Variants in COL17A1 observed in about 807,000 individuals in gnomAD.
COL17A1 encodes collagen alpha-1(XVII) chain.
In COL17A1, 181 loss-of-function variants were observed where a neutral mutation model predicts 218.4. That is an observed-to-expected ratio of 0.83 (90% confidence interval 0.73 to 0.94). The LOEUF (loss-of-function observed/expected upper bound fraction) is 0.94. COL17A1 is among the 40% of genes least tolerant of loss of function. COL17A1 has a pLI of 0.00. For synonymous variants in COL17A1, 721 were observed against 731.0 expected (o/e 0.99, Z 0.22); for missense variants, 1,924 against 1,945.9 (o/e 0.99, Z 0.21).
chr10:104,064,406 G>A, intron 10 of COL17A1, 32 bp downstream of exon 10: 1 of 1,613,716 alleles, frequency 6.2e-7, no homozygotes. Flanking sequence ...GAGTTCAGGG[G>A]TGAGAGAGGG....
At position 104,065,369 on chromosome 10, in the gene COL17A1, C is replaced by T. The variant is rs114745989; in HGVS notation, c.608-773G>A. Among the ~76,000 whole-genome samples the T allele has an allele frequency of 1.7e-3, 253 of 152,312 alleles. 1 individual carries two copies. The highest frequency in any genetic ancestry group is 5.7e-3 in the African/African-American group (236 of 41,560). On this transcript the variant is annotated intron_variant, in intron 9 of 55. Transcript: ENST00000648076. ...TAGCTTTTTCCCTCACCTCCCTCCA[C>T]GGCTCTGCTAATTTATATTTCTGCC...
At chr10:104,056,836 A>G (rs2086532827) in intron 17 of COL17A1, 139 bp downstream of exon 17, 1 of 1,501,650 alleles carries the variant, frequency 6.7e-7, no homozygotes, top group Non-Finnish European at 8.9e-7. Context: ...ATCTGCGGTA[A>G]CAAGGGTCTG....
At position 104,034,018 on chromosome 10, in the gene COL17A1, T is replaced by C. The variant is rs2086243560; in HGVS notation, c.4083A>G (p.Gly1361=). 6.2e-7 allele frequency: 1 copy of C among 1,614,024 alleles called. No individual in the cohort carries two copies. The highest frequency in any genetic ancestry group is 1.3e-5 in the African/African-American group (1 of 74,912). The change falls in exon 52 of 56, where the codon GGA becomes GGG. Residue 1361 remains glycine, a synonymous_variant. Coordinates refer to ENST00000648076, the MANE Select transcript of COL17A1 (RefSeq NM_000494.4). ...CTCCAGCAAAGTCAGCTCCCAATAG[T>C]CCGCCATTGCCAGCATACATGCCGC... The part of the protein sequence containing the change: ...AEGGMYAGNG[G]LLGADFAGDL...
At chr10:104,055,708 T>A in intron 18 of COL17A1, 74 bp downstream of exon 18, 2 of 1,584,364 alleles carry the variant, frequency 1.3e-6, no homozygotes, top group Non-Finnish European at 1.7e-6. Context: ...TCACAGCACA[T>A]GCACACATAC....
chr10:104,071,919 C>T, intron 8 of COL17A1, 113 bp downstream of exon 8: 1 of 1,512,444 alleles, frequency 6.6e-7, no homozygotes, highest in South Asian at 1.1e-5. Flanking sequence ...CATGCATGTA[C>T]ATACATGTGT....
At chr10:104,062,464 C>A in intron 11 of COL17A1, 135 bp from the exon 12 acceptor site, 1 of 1,197,610 alleles carries the variant, frequency 8.3e-7, no homozygotes, top group East Asian at 2.4e-5. Context: ...CCTCGGTTCC[C>A]ACACTCTTTG....
chr10:104,076,518 C>A, intron 4 of COL17A1, 89 bp from the exon 5 acceptor site: 1 of 1,586,814 alleles, frequency 6.3e-7, no homozygotes, highest in Non-Finnish European at 8.6e-7. Flanking sequence ...TAACCAAGTA[C>A]ACTCAGGGAG....
At chr10:104,056,548 C>G (rs925665502) in intron 17 of COL17A1, among the ~76,000 whole-genome samples, 2 of 151,360 alleles carry the variant, frequency 1.3e-5, no homozygotes, top group Non-Finnish European at 2.9e-5. Context: ...CACCACTGCA[C>G]TCCAGCCTGG....
Position 104,053,902 on chromosome 10 carries a change from G to C in COL17A1, c.1834+18C>G. ...AAAGAATGAGGAATAAATGAATAAA[G>C]AAAAATGTGTTTCTTACCCACGCTG... On this transcript the variant is annotated intron_variant, in intron 22 of 55. Transcript: ENST00000648076. 6.8e-7 allele frequency: 1 copy of C among 1,465,164 alleles called. No individual in the cohort carries two copies. Among genetic ancestry groups the C allele is most frequent in the Non-Finnish European group, 9.6e-7 (1 of 1,046,114 alleles). The allele number at this position is 1,465,164 out of a possible 1,614,324, so 90.8% of individuals were successfully genotyped here.
At chr10:104,077,885 C>A (rs1225747373) in intron 3 of COL17A1, among the ~76,000 whole-genome samples, 4 of 152,168 alleles carry the variant, frequency 2.6e-5, no homozygotes, top group African/African-American at 4.8e-5. Flanking sequence ...GTTGGGCTTG[C>A]TTTTTCTGAG....
In COL17A1 at chr10:104,032,703, C is replaced by T. The variant is rs371247480; in HGVS notation, c.4409G>A (p.Arg1470Gln). Residue 1470 changes from arginine to glutamine, a missense_variant, in exon 55 of 56, where the codon CGA becomes CAA. Arg to Gln is a conservative substitution (Grantham distance 43). Coordinates refer to ENST00000648076, the MANE Select transcript of COL17A1 (RefSeq NM_000494.4). ...PPGHPGPPGPRGHKGEKGDKG... is the reference protein window; with the variant it reads ...PPGHPGPPGPQGHKGEKGDKG... ...GTCTCCTTTTTCTCCCTTGTGTCCT[C>T]GAGGGCCAGGTGGCCCAGGATGACC... 2.2e-5 allele frequency: 36 copies of T among 1,614,026 alleles called. No individual in the cohort carries two copies. The highest frequency in any genetic ancestry group is 1.5e-4 in the Admixed American group (9 of 59,998).
Position 104,032,142 on chromosome 10 carries a change from G to T in COL17A1, c.*93C>A. 1.0e-6 allele frequency: 1 copy of T among 986,726 alleles called. No individual in the cohort carries two copies. Among genetic ancestry groups the T allele is most frequent in the East Asian group, 2.4e-5 (1 of 41,236 alleles). 61.1% of individuals were successfully genotyped at this position (986,726 alleles called of 1,614,324 possible). A position where few individuals can be genotyped will look rare whatever the true frequency, so the allele number is the denominator to read the frequency against. ...GGCTGTGCTGTCTCAGTAGGACATT[G>T]ACAGACTCCAGCTTTCACCCTCTGG... is the stretch of plus-strand genomic sequence containing the variant. On this transcript the variant is annotated 3_prime_UTR_variant, in exon 56 of 56. Coordinates refer to ENST00000648076, the MANE Select transcript of COL17A1 (RefSeq NM_000494.4).
At chr10:104,045,824 A>G (rs1418812088) in intron 32 of COL17A1, 31 bp from the exon 33 acceptor site, 2 of 1,595,460 alleles carry the variant, frequency 1.3e-6, no homozygotes, top group Non-Finnish European at 1.7e-6. Context: ...AGTCAGGACG[A>G]TGAAGGCCCA....
At chr10:104,056,509 G>A (rs919163841) in intron 17 of COL17A1, among the ~76,000 whole-genome samples, 4 of 152,184 alleles carry the variant, frequency 2.6e-5, no homozygotes, top group African/African-American at 9.6e-5. Flanking sequence ...TTGAACTCAG[G>A]AGGCGGAGGT....
intron 9 of COL17A1, among the ~76,000 whole-genome samples, chr10:104,066,944 G>C (rs150831056): frequency 8.9e-4 from 135 of 152,308 alleles, no homozygotes; most frequent in African/African-American, 3.2e-3. Context: ...AGGAAATAAG[G>C]CCGCTCTTGG....
In COL17A1 at chr10:104,041,049, G is replaced by C. The variant is rs777969549; in HGVS notation, c.2701+16C>G. ...CTGAGGTGGAGAACAGGTGCGACTT[G>C]ACTCCCTGACATTACCTGAGTTGGA... On this transcript the variant is annotated intron_variant, in intron 39 of 55. Transcript: ENST00000648076. The C allele has an allele frequency of 1.9e-6, 3 of 1,614,134 alleles. No individual in the cohort carries two copies. Among genetic ancestry groups the C allele is most frequent in the South Asian group, 1.1e-5 (1 of 91,080 alleles).
chr10:104,052,906 G>C, intron 23 of COL17A1, 125 bp downstream of exon 23: 1 of 1,191,060 alleles, frequency 8.4e-7, no homozygotes, highest in Non-Finnish European at 1.2e-6. Context: ...CCTGACTCAG[G>C]GTGGGTGCTC....
intron 22 of COL17A1, 89 bp from the exon 23 acceptor site, chr10:104,053,224 T>A: frequency 2.0e-6 from 3 of 1,467,892 alleles, no homozygotes; most frequent in Non-Finnish European, 2.8e-6. Flanking sequence ...GACGCTTGCC[T>A]GGAGCCCTTC....
rs970285180 is a variant in COL17A1 at position 104,050,116 on chromosome 10, C to T, written c.2137G>A (p.Gly713Ser). ...GTGAGGCCTCGAGGTCCTTTCTCAC[C>T]CTGGTCACCTAAAGCAAACAAGGGG... is the stretch of plus-strand genomic sequence containing the variant. ...MGPPGPKGDQGEKGPRGLTGE... is the reference protein window; with the variant it reads ...MGPPGPKGDQSEKGPRGLTGE... Residue 713 changes from glycine to serine, a missense_variant, in exon 28 of 56, where the codon GGT becomes AGT. By Grantham distance (56) the Gly-to-Ser change is moderately conservative. Transcript: ENST00000648076. 1.2e-6 allele frequency: 2 copies of T among 1,613,932 alleles called. No individual in the cohort carries two copies. Among genetic ancestry groups the T allele is most frequent in the African/African-American group, 1.3e-5 (1 of 74,876 alleles).
Sources: gnomAD v4.1 joint callset for allele counts (sites outside exome capture counted in the v4.1 genomes callset) on GRCh38, gnomAD v4.1.1 for gene constraint, MANE v1.5 for transcripts, NCBI Gene and HGNC (gene_info 2026-07-23, HGNC 2026-07-21) for gene names.